The following SYN3 variants were observed in gnomAD, a reference collection of about 807,000 sequenced individuals.
SYN3 encodes the protein synapsin III.
SYN3 carries 35 observed loss-of-function variants against 65.8 expected under a neutral mutation model. The observed-to-expected ratio is 0.53, with a 90% CI of 0.41 to 0.70. SYN3 has a LOEUF of 0.70. Ranked by LOEUF, SYN3 falls within the 30% of genes least tolerant of loss-of-function variation. The probability of loss-of-function intolerance (pLI) is 0.00; values close to 1 mark genes in which losing one functional copy is unlikely to be tolerated. For missense variants in SYN3, 680 were observed against 749.0 expected, an observed-to-expected ratio of 0.91 and a Z score of 1.08; for synonymous variants, 270 against 292.9, an observed-to-expected ratio of 0.92 and a Z score of 0.80.
Position 32,518,340 on chromosome 22 carries a change from G to C in SYN3, c.1319-6C>G. On this transcript the variant is annotated splice_region_variant and splice_polypyrimidine_tract_variant and intron_variant, in intron 12 of 13. Coordinates refer to ENST00000358763, the MANE Select transcript of SYN3 (RefSeq NM_003490.4). Reference sequence around the variant, plus strand: ...CTGAGCTTGGCGAGGGCCTCCTAAGGGGCCAGAAAAAAAAAGGTTCAGTTC... The same window carrying C: ...CTGAGCTTGGCGAGGGCCTCCTAAGCGGCCAGAAAAAAAAAGGTTCAGTTC... 1 of 1,609,356 alleles carries C rather than the reference G, an allele frequency of 6.2e-7. No homozygotes were observed. Among genetic ancestry groups the C allele is most frequent in the East Asian group, 2.2e-5 (1 of 44,844 alleles).
chr22:32,524,910 G>A (rs1174602211), intron 12 of SYN3, among the ~76,000 whole-genome samples: 2 of 152,216 alleles, frequency 1.3e-5, no homozygotes. Flanking sequence ...TTGAGAGGCT[G>A]AGGCAGGAGA....
chr22:32,762,600 C>T (rs2045512881), intron 6 of SYN3, among the ~76,000 whole-genome samples: 1 of 149,362 alleles, frequency 6.7e-6, no homozygotes. Flanking sequence ...GAGGTCACTT[C>T]CTAAAGGGCA....
At chr22:32,869,690 GTTTTTTTTTTTT>G (rs748620876) in intron 4 of SYN3, among the ~76,000 whole-genome samples, 1 of 114,926 alleles carries the variant, frequency 8.7e-6, no homozygotes, top group South Asian at 3.5e-4. Context: ...ACACATCTTG[GTTTTTTTTTTTT>G]TTTTTTTTTT....
chr22:32,898,833 T>C (rs747139175), intron 4 of SYN3, among the ~76,000 whole-genome samples: 5 of 152,150 alleles, frequency 3.3e-5, no homozygotes, highest in Non-Finnish European at 5.9e-5. Flanking sequence ...CTGGGCGCGG[T>C]GGCTCACGCC....
At chr22:32,586,619 G>A (rs1028661857) in intron 7 of SYN3, among the ~76,000 whole-genome samples, 3 of 152,102 alleles carry the variant, frequency 2.0e-5, no homozygotes, top group South Asian at 4.1e-4. Context: ...ACTTGTTTAC[G>A]GTTTGAGAGC....
chr22:33,030,909 A>G (rs1259365439), intron 1 of SYN3, among the ~76,000 whole-genome samples: 1 of 152,222 alleles, frequency 6.6e-6, no homozygotes, highest in African/African-American at 2.4e-5. Context: ...AGAGAGTGAT[A>G]GAGACAGACA....
chr22:32,843,762 CAGCCCCTTCCCTGGG>C (rs1220198241), intron 6 of SYN3, among the ~76,000 whole-genome samples: 1 of 152,188 alleles, frequency 6.6e-6, no homozygotes, highest in African/African-American at 2.4e-5. Flanking sequence ...ATCAGAAGAG[CAGCCCCTTCCCTGGG>C]ACTGACACTA....
At chr22:33,046,091 A>T (rs941451521) in intron 1 of SYN3, among the ~76,000 whole-genome samples, 1 of 152,230 alleles carries the variant, frequency 6.6e-6, no homozygotes, top group African/African-American at 2.4e-5. Context: ...ACTTGAAAAG[A>T]TATTCAACAT....
At chr22:32,598,398 C>G (rs1052785376) in intron 6 of SYN3, among the ~76,000 whole-genome samples, 26 of 152,214 alleles carry the variant, frequency 1.7e-4, no homozygotes, top group African/African-American at 6.3e-4. Context: ...AGGGGTGGAG[C>G]TGGGACTTGA....
intron 3 of SYN3, among the ~76,000 whole-genome samples, chr22:32,933,613 GT>G (rs2050695937): frequency 6.6e-6 from 1 of 152,026 alleles, no homozygotes; most frequent in African/African-American, 2.4e-5. Context: ...TTGTTTGTTT[GT>G]TTTTTAGTAG....
At chr22:32,847,027 T>C (rs1388144951) in intron 6 of SYN3, among the ~76,000 whole-genome samples, 1 of 152,196 alleles carries the variant, frequency 6.6e-6, no homozygotes, top group African/African-American at 2.4e-5. Flanking sequence ...AGTCAAGCCA[T>C]TTTTGAACCA....
Position 32,785,256 on chromosome 22 carries a change from G to A in SYN3, c.711+79659C>T, listed in dbSNP as rs191518471. Among the ~76,000 whole-genome samples, 11 of 152,284 alleles carry A rather than the reference G, an allele frequency of 7.2e-5. No individual in the cohort carries two copies. The East Asian group carries it at 7.7e-4, about 11-fold the overall frequency. ...TAAGTGATAGAGCCAGAGTTAGAAC[G>A]TCTTTGACACTTGGCCCAGGGCTCT... On this transcript the variant is annotated intron_variant, in intron 6 of 13. Transcript: ENST00000358763.
intron 6 of SYN3, among the ~76,000 whole-genome samples, chr22:32,644,079 A>G (rs2059947319): frequency 1.7e-5 from 1 of 57,468 alleles, no homozygotes; most frequent in Non-Finnish European, 3.3e-5. Flanking sequence ...GCCTCAAAAA[A>G]AAAAAAAAAA....
At chr22:32,852,598 G>A (rs2048251609) in intron 6 of SYN3, among the ~76,000 whole-genome samples, 1 of 152,164 alleles carries the variant, frequency 6.6e-6, no homozygotes, top group African/African-American at 2.4e-5. Context: ...GGAACTTGGA[G>A]AACCTGAGAC....
At chr22:32,607,431 G>T (rs566034738) in intron 6 of SYN3, among the ~76,000 whole-genome samples, 1 of 152,258 alleles carries the variant, frequency 6.6e-6, no homozygotes, top group East Asian at 1.9e-4. Flanking sequence ...AGGTGCCCAA[G>T]ATAGAGATCC....
chr22:32,677,491 G>A (rs1189451583), intron 6 of SYN3, among the ~76,000 whole-genome samples: 1 of 152,134 alleles, frequency 6.6e-6, no homozygotes, highest in African/African-American at 2.4e-5. Flanking sequence ...AAACAAATTA[G>A]AGTCATATCA....
rs531679721 is a variant in SYN3, at chr22:32,848,840, C to A, written c.711+16075G>T. Among the ~76,000 whole-genome samples, 5 of 152,214 alleles carry A rather than the reference C, an allele frequency of 3.3e-5. No homozygotes were observed. In the South Asian group the frequency reaches 1.0e-3, roughly 32 times the overall value. On this transcript the variant is annotated intron_variant, in intron 6 of 13. Transcript: ENST00000358763. ...GCTCCTGAGCCCCGACTCCCAATTG[C>A]TCCTTCTTCTAACCACATCCCCATA... is the stretch of plus-strand genomic sequence containing the variant.
chr22:32,810,840 G>A (rs1415131856), intron 6 of SYN3, among the ~76,000 whole-genome samples: 1 of 152,098 alleles, frequency 6.6e-6, no homozygotes, highest in African/African-American at 2.4e-5. Context: ...ATTTAGGAAG[G>A]GCTCCCTTTT....
rs143372464 is a variant in SYN3 at position 33,006,549 on chromosome 22, G to A, written c.114C>T (p.Pro38=). The change falls in exon 2 of 14, where the codon CCC becomes CCT. Residue 38 remains proline (P), a synonymous_variant. Coordinates refer to ENST00000358763, the MANE Select transcript of SYN3 (RefSeq NM_003490.4). ...PDSSTSSPAS[P]AMERRHPQPL... Reference sequence around the variant, plus strand: ...GCTGGGGGTGCCTCCTCTCCATGGCGGGGGAAGCAGGTGAGCTGGTGGAGC... The same window carrying A: ...GCTGGGGGTGCCTCCTCTCCATGGCAGGGGAAGCAGGTGAGCTGGTGGAGC... 2.4e-5 allele frequency: 39 copies of A among 1,614,058 alleles called. No homozygotes were observed. The highest frequency in any genetic ancestry group is 5.3e-5 in the African/African-American group (4 of 74,940).
Sources: gnomAD v4.1 joint callset for allele counts (sites outside exome capture counted in the v4.1 genomes callset) on GRCh38, gnomAD v4.1.1 for gene constraint, MANE v1.5 for transcripts, NCBI Gene and HGNC (gene_info 2026-07-23, HGNC 2026-07-21) for gene names.